NAV2: variants seen among roughly 807,000 people sequenced by gnomAD.
NAV2 encodes neuron navigator 2, also known as helicase, APC down-regulated 1.
In NAV2, 54 loss-of-function variants were observed where a neutral mutation model predicts 223.2. That is an observed-to-expected ratio of 0.24 (90% CI 0.19 to 0.30). The LOEUF is 0.30. NAV2 is among the 10% of genes least tolerant of loss of function. NAV2 has a pLI of 1.00. For synonymous variants in NAV2, 1,279 were observed against 1,239.3 expected (o/e 1.03, Z -0.67); for missense variants, 2,806 against 3,147.5 (o/e 0.89, Z 2.60).
intron 1 of NAV2, among the ~76,000 whole-genome samples, chr11:19,442,021 C>T (rs1851422049): frequency 1.3e-5 from 2 of 152,364 alleles, no homozygotes; most frequent in South Asian, 4.1e-4. Context: ...CATCTCAATC[C>T]TCCTCCTAAT....
intron 1 of NAV2, among the ~76,000 whole-genome samples, chr11:19,557,862 T>G (rs1012571269): frequency 6.6e-6 from 1 of 152,062 alleles, no homozygotes; most frequent in Non-Finnish European, 1.5e-5. Context: ...AGTGGCCACG[T>G]GGGGGCAGCA....
intron 1 of NAV2, among the ~76,000 whole-genome samples, chr11:19,812,647 G>A (rs1255318746): frequency 6.6e-6 from 1 of 152,026 alleles, no homozygotes; most frequent in Non-Finnish European, 1.5e-5. Flanking sequence ...GACCTAAGGT[G>A]GAGCAAAGAT....
rs564311096 is a variant in NAV2 at position 20,098,905 on chromosome 11, G to T, written c.6181+1160G>T. Among the ~76,000 whole-genome samples the T allele has an allele frequency of 3.3e-5, 5 of 152,316 alleles. No individual in the cohort carries two copies. In the East Asian group the frequency reaches 9.6e-4, roughly 29 times the overall value. ...CCTGCCTCAGCTTTGCCCATCGGCTGTGCTTATTTATTGAGCTCTTTGTAC... is the reference window on the plus strand; with the variant it reads ...CCTGCCTCAGCTTTGCCCATCGGCTTTGCTTATTTATTGAGCTCTTTGTAC... On this transcript the variant is annotated intron_variant, in intron 31 of 37. Transcript: ENST00000349880.
intron 5 of NAV2, among the ~76,000 whole-genome samples, chr11:19,881,018 T>G (rs1482369273): frequency 6.6e-6 from 1 of 152,218 alleles, no homozygotes; most frequent in East Asian, 1.9e-4. Flanking sequence ...AGTAATGGCC[T>G]TTTCTTTTCA....
chr11:19,997,793 A>G (rs1316836959), intron 11 of NAV2, among the ~76,000 whole-genome samples: 1 of 152,190 alleles, frequency 6.6e-6, no homozygotes, highest in African/African-American at 2.4e-5. Flanking sequence ...CGGTAGATCC[A>G]GCACCAAGAA....
chr11:19,529,045 C>T (rs552200643), intron 1 of NAV2, among the ~76,000 whole-genome samples: 55 of 151,954 alleles, frequency 3.6e-4, no homozygotes, highest in African/African-American at 1.1e-3. Context: ...GAAGAAAGGG[C>T]GTTTTGGCAC....
At chr11:19,384,815 G>A (rs1848973316) in intron 1 of NAV2, 1 of 152,188 alleles carries the variant, frequency 6.6e-6, no homozygotes, top group African/African-American at 2.4e-5. Context: ...CACTCGCCAT[G>A]GACCTTGCTA....
chr11:19,427,863 T>C lies in NAV2; in HGVS notation c.75+76836T>C, dbSNP rs191054381. Among the ~76,000 whole-genome samples, 199 of 152,304 alleles carry C rather than the reference T, an allele frequency of 1.3e-3. 1 individual carries two copies. Among genetic ancestry groups the C allele is most frequent in the African/African-American group, 4.5e-3 (185 of 41,558 alleles). On this transcript the variant is annotated intron_variant, in intron 1 of 37. Coordinates refer to the NAV2 transcript ENST00000360655. Reference sequence around the variant, plus strand: ...CAGTTGTTTCTTATTGGGTTGTTGATCATGTACTTATTGATTTCTTAAACT... The same window carrying C: ...CAGTTGTTTCTTATTGGGTTGTTGACCATGTACTTATTGATTTCTTAAACT...
chr11:19,894,414 C>T (rs754258931), intron 6 of NAV2, among the ~76,000 whole-genome samples: 14 of 152,170 alleles, frequency 9.2e-5, no homozygotes, highest in Non-Finnish European at 1.8e-4. Flanking sequence ...GCCCTATACT[C>T]ATTTGGGGAG....
intron 1 of NAV2, among the ~76,000 whole-genome samples, chr11:19,408,469 A>G (rs991515052): frequency 2.6e-5 from 4 of 152,206 alleles, no homozygotes; most frequent in Admixed American, 6.5e-5. Flanking sequence ...TTGTGTCTGC[A>G]TCAAGGCAAA....
At chr11:19,445,471 G>C (rs1244566380) in intron 1 of NAV2, among the ~76,000 whole-genome samples, 2 of 152,170 alleles carry the variant, frequency 1.3e-5, no homozygotes, top group Non-Finnish European at 2.9e-5. Flanking sequence ...TTATGAAGTT[G>C]CTATGATCCC....
At chr11:19,653,292 A>G (rs1432353121) in intron 1 of NAV2, among the ~76,000 whole-genome samples, 1 of 152,238 alleles carries the variant, frequency 6.6e-6, no homozygotes, top group Non-Finnish European at 1.5e-5. Flanking sequence ...TGCTCACACT[A>G]ACTTAATGTA....
rs73424387 is a variant in NAV2 at position 19,673,178 on chromosome 11, G to A, written c.76-159306G>A. 6.3e-3 allele frequency among the ~76,000 whole-genome samples: 958 copies of A among 152,300 alleles called. 8 individuals are homozygous for A. The highest frequency in any genetic ancestry group is 0.022 in the African/African-American group (905 of 41,552). The stretch of plus-strand genomic sequence containing the variant: ...ATTACCATGGAAGGAATTTCCACAC[G>A]CAACCCTGTAATGATACTTATTACT... On this transcript the variant is annotated intron_variant, in intron 1 of 37. Coordinates refer to the NAV2 transcript ENST00000360655.
chr11:19,601,266 C>T (rs780575922), intron 1 of NAV2, among the ~76,000 whole-genome samples: 4 of 152,228 alleles, frequency 2.6e-5, no homozygotes, highest in Admixed American at 6.5e-5. Context: ...CTCCTCCCTA[C>T]TGCCCCTACA....
chr11:19,907,954 C>T (rs1250413308), intron 6 of NAV2, among the ~76,000 whole-genome samples: 1 of 152,166 alleles, frequency 6.6e-6, no homozygotes, highest in Non-Finnish European at 1.5e-5. Flanking sequence ...AGCTGAACTC[C>T]CAGGCAGCCC....
chr11:19,899,278 A>G (rs918043018), intron 6 of NAV2, among the ~76,000 whole-genome samples: 2 of 152,174 alleles, frequency 1.3e-5, no homozygotes, highest in Admixed American at 6.5e-5. Context: ...GTCATGTCTG[A>G]GTAACTTTGG....
intron 36 of NAV2, chr11:20,114,320 C>G (rs2062871458): frequency 9.5e-6 from 5 of 523,738 alleles, no homozygotes; most frequent in South Asian, 9.2e-5. Context: ...TTTAGGGTCA[C>G]ACGGTGAGTC....
At chr11:19,555,286 G>A (rs1168811336) in intron 1 of NAV2, among the ~76,000 whole-genome samples, 1 of 152,220 alleles carries the variant, frequency 6.6e-6, no homozygotes, top group Non-Finnish European at 1.5e-5. Flanking sequence ...GGGCTGGGAA[G>A]AGCTGCAGAG....
At chr11:19,663,138 C>T (rs2048330567) in intron 1 of NAV2, among the ~76,000 whole-genome samples, 1 of 152,192 alleles carries the variant, frequency 6.6e-6, no homozygotes, top group South Asian at 2.1e-4. Context: ...CAATATCTCT[C>T]ACACAAGACA....
Sources: gnomAD v4.1 joint callset for allele counts (sites outside exome capture counted in the v4.1 genomes callset) on GRCh38, gnomAD v4.1.1 for gene constraint, MANE v1.5 for transcripts, NCBI Gene and HGNC (gene_info 2026-07-23, HGNC 2026-07-21) for gene names.